The following OTUD7B variants were observed in gnomAD, a reference collection of about 807,000 sequenced individuals.
OTUD7B encodes OTU deubiquitinase 7B, also known as OTU domain-containing protein 7B.
Under a neutral mutation model 82.2 loss-of-function variants are expected in OTUD7B, and 34 were observed. The observed-to-expected ratio is 0.41, with a 90% CI of 0.31 to 0.55. The LOEUF is 0.55. OTUD7B is among the 20% of genes least tolerant of loss of function. The pLI is 0.20. For synonymous variants in OTUD7B, 398 were observed against 402.7 expected (o/e 0.99, Z 0.14); for missense variants, 944 against 1,062.1 (o/e 0.89, Z 1.55).
At chr1:150,001,282 T>C (rs908081946) in intron 1 of OTUD7B, among the ~76,000 whole-genome samples, 8 of 152,222 alleles carry the variant, frequency 5.3e-5, no homozygotes, top group Non-Finnish European at 7.4e-5. Context: ...TTATGCAAAA[T>C]TGTAAAATTA....
chr1:149,982,103 C>G (rs915225342), intron 1 of OTUD7B, among the ~76,000 whole-genome samples: 3 of 151,932 alleles, frequency 2.0e-5, no homozygotes, highest in African/African-American at 4.8e-5. Context: ...GAGCCGAGAT[C>G]GCGCCACTGC....
chr1:149,978,638 G>A (rs1176018230), intron 1 of OTUD7B, among the ~76,000 whole-genome samples: 2 of 152,248 alleles, frequency 1.3e-5, no homozygotes, highest in East Asian at 1.9e-4. Flanking sequence ...CTCCAAACAC[G>A]TCTTTCTCCA....
chr1:149,948,520 C>A (rs1647933898), intron 10 of OTUD7B, among the ~76,000 whole-genome samples: 1 of 151,700 alleles, frequency 6.6e-6, no homozygotes, highest in African/African-American at 2.4e-5. Context: ...TACAGGCACG[C>A]ACCACCACGC....
chr1:150,061,163 T>A, the OTUD7B span, among the ~76,000 whole-genome samples: 1 of 152,244 alleles, frequency 6.6e-6, no homozygotes, highest in South Asian at 2.1e-4. Flanking sequence ...ATGCTGGGAT[T>A]ATAGGCGTAA....
rs587729221 is a variant in OTUD7B, at chr1:149,990,974, AG to A, written c.-66-13399del. On this transcript the variant is annotated intron_variant, in intron 1 of 11. Transcript: ENST00000581312. ...CCATTGCACTCCAGCCTGGGCAACAAGAGCGAAACTCCGTCGCAAAAAAAAA... is the reference window on the plus strand; with the variant it reads ...CCATTGCACTCCAGCCTGGGCAACAAAGCGAAACTCCGTCGCAAAAAAAAA... 2.2e-5 allele frequency among the ~76,000 whole-genome samples: 3 copies of A among 138,032 alleles called. No individual in the cohort carries two copies. In the South Asian group the frequency reaches 7.6e-4, roughly 35 times the overall value. The allele number at this position is 138,032 out of a possible 152,430, so 90.6% of individuals were successfully genotyped here.
At chr1:149,958,501 G>A (rs959250358) in intron 7 of OTUD7B, among the ~76,000 whole-genome samples, 2 of 151,260 alleles carry the variant, frequency 1.3e-5, no homozygotes, top group Non-Finnish European at 3.0e-5. Flanking sequence ...CTAATTTTTT[G>A]TATTTTCAGT....
At chr1:150,006,071 C>G (rs781792433) in intron 1 of OTUD7B, among the ~76,000 whole-genome samples, 1 of 152,294 alleles carries the variant, frequency 6.6e-6, no homozygotes, top group Middle Eastern at 3.4e-3. Context: ...TCAGTGTACT[C>G]TCCCCACCAT....
At chr1:150,066,147 G>A in the OTUD7B span, among the ~76,000 whole-genome samples, 2 of 152,050 alleles carry the variant, frequency 1.3e-5, no homozygotes, top group Non-Finnish European at 2.9e-5. This position sits in a 1 kb window ranked among gnomAD's most constrained non-coding sequence, Gnocchi z 4.6. Context: ...TAAATTATAG[G>A]TAAGAAAAAT....
At chr1:150,059,495 G>A in the OTUD7B span, among the ~76,000 whole-genome samples, 2 of 151,026 alleles carry the variant, frequency 1.3e-5, no homozygotes, top group East Asian at 1.9e-4. Flanking sequence ...TCAGCCTCCC[G>A]AGTAGCTGGG....
At chr1:149,976,257 T>C (rs1553778527) in intron 2 of OTUD7B, among the ~76,000 whole-genome samples, 1 of 151,910 alleles carries the variant, frequency 6.6e-6, no homozygotes, top group East Asian at 1.9e-4. Context: ...TTTCATCTAT[T>C]ATTTGTGACT....
chr1:149,980,361 C>A (rs1428430495), intron 1 of OTUD7B, among the ~76,000 whole-genome samples: 1 of 151,962 alleles, frequency 6.6e-6, no homozygotes, highest in Non-Finnish European at 1.5e-5. Context: ...GCTTTTGTTA[C>A]ATCACCACTA....
In OTUD7B at chr1:149,944,718, C is replaced by T. The variant is rs151258278; in HGVS notation, c.1671G>A (p.Lys557=). 2.3e-4 allele frequency: 377 copies of T among 1,613,860 alleles called. No homozygotes were observed. The highest frequency in any genetic ancestry group is 2.1e-3 in the Middle Eastern group (13 of 6,062). ...TLEKKKKNSL[K]SWKGGKEEAA... ...CCTCCTCCTTGCCACCCTTCCAGCTCTTCAGTGAGTTTTTCTTCTTCTTCT... is the reference window on the plus strand; with the variant it reads ...CCTCCTCCTTGCCACCCTTCCAGCTTTTCAGTGAGTTTTTCTTCTTCTTCT... Residue 557 remains lysine (K), a synonymous_variant, in exon 12 of 12, where the codon AAG becomes AAA. Transcript: ENST00000581312.
the OTUD7B span, among the ~76,000 whole-genome samples, chr1:150,037,642 T>G: frequency 6.6e-6 from 1 of 152,116 alleles, no homozygotes; most frequent in South Asian, 2.1e-4. Flanking sequence ...CAGGATGGAG[T>G]GCAGTGCCGC....
chr1:149,953,838 G>T (rs1553774027), intron 7 of OTUD7B, among the ~76,000 whole-genome samples: 1 of 152,078 alleles, frequency 6.6e-6, no homozygotes. Context: ...CTCATGATTT[G>T]GCTCTCTGAT....
the OTUD7B span, among the ~76,000 whole-genome samples, chr1:150,064,766 C>T: frequency 6.6e-6 from 1 of 152,134 alleles, no homozygotes; most frequent in Non-Finnish European, 1.5e-5. Context: ...TACTTCCTTC[C>T]TATCCATGGC....
Position 149,944,243 on chromosome 1 carries a change from C to A in OTUD7B, c.2146G>T (p.Ala716Ser), listed in dbSNP as rs782298019. 2.5e-6 allele frequency: 4 copies of A among 1,612,218 alleles called. No individual in the cohort carries two copies. In the South Asian group the frequency reaches 4.4e-5, roughly 18 times the overall value. The change falls in exon 12 of 12, where the codon GCA (alanine) becomes TCA (serine). Residue 716 changes from alanine to serine, a missense_variant. This residue lies in a region of OTUD7B where 412 missense variants were observed against 418.7 expected (regional missense o/e 0.98). Coordinates refer to ENST00000581312, the MANE Select transcript of OTUD7B (RefSeq NM_020205.4). ...AGGCCCCCGACACATGGACCCCCTG[C>A]CAACTGCCTCCGGGGTTCCTGGCAG... Reference protein sequence around the residue: ...VHCQEPRRQLAGGPCVGGLPP... With the variant: ...VHCQEPRRQLSGGPCVGGLPP...
At chr1:150,020,784 A>T in the OTUD7B span, among the ~76,000 whole-genome samples, 3 of 152,252 alleles carry the variant, frequency 2.0e-5, no homozygotes, top group Non-Finnish European at 4.4e-5. Flanking sequence ...TTTCTCTGAA[A>T]GCCAAATAGG....
intron 1 of OTUD7B, among the ~76,000 whole-genome samples, chr1:149,981,472 A>G (rs1014577199): frequency 2.6e-5 from 4 of 152,190 alleles, no homozygotes; most frequent in Admixed American, 2.6e-4. Context: ...TAACTTTCAC[A>G]TACCGGTTTT....
upstream of OTUD7B, among the ~76,000 whole-genome samples, chr1:150,015,560 CGTGAGCCCAAAGTGCTGACATTACAAGT>C (rs1553788289): frequency 2.0e-5 from 3 of 152,152 alleles, no homozygotes; most frequent in South Asian, 6.2e-4. Context: ...AGATTACAAG[CGTGAGCCCAAAGTGCTGACATTACAAGT>C]GTGAGCCACC....
Sources: allele counts gnomAD v4.1 joint callset (sites outside exome capture counted in the v4.1 genomes callset), GRCh38; gene constraint gnomAD v4.1.1; regional missense constraint gnomAD v4.1.1; non-coding constraint Gnocchi (gnomAD v3.1); transcripts MANE v1.5; gene names NCBI Gene and HGNC (gene_info 2026-07-23, HGNC 2026-07-21).